TBC1D32: variants seen among roughly 807,000 people sequenced by gnomAD.
The protein encoded by TBC1D32 is protein broad-minded.
Under a neutral mutation model 170.3 loss-of-function variants are expected in TBC1D32, and 151 were observed. The ratio of observed to expected loss-of-function variants is 0.89; its 90% CI spans 0.78 to 1.01. The LOEUF is 1.01. Ranked by LOEUF, TBC1D32 falls within the 50% of genes least tolerant of loss-of-function variation. TBC1D32 has a pLI of 0.00. For missense variants in TBC1D32, 1,464 were observed against 1,457.1 expected (o/e 1.00, Z -0.08); for synonymous variants, 498 against 488.0 (o/e 1.02, Z -0.27).
intron 9 of TBC1D32, among the ~76,000 whole-genome samples, chr6:121,300,400 T>C (rs151096811): frequency 1.3e-3 from 196 of 152,006 alleles, no homozygotes; most frequent in African/African-American, 4.5e-3. Context: ...TGAACCGAGA[T>C]TGCGCCACTG....
At chr6:121,104,078 A>G (rs1388787219) in intron 30 of TBC1D32, among the ~76,000 whole-genome samples, 1 of 151,900 alleles carries the variant, frequency 6.6e-6, no homozygotes. Flanking sequence ...TAAAATAGGA[A>G]GAATAATCTC....
intron 3 of TBC1D32, among the ~76,000 whole-genome samples, chr6:121,314,387 G>A (rs925287517): frequency 2.6e-5 from 4 of 152,182 alleles, no homozygotes; most frequent in African/African-American, 7.2e-5. Context: ...CATGTGACAT[G>A]TTCACAAGTT....
chr6:121,133,277 T>C (rs1562593387), intron 24 of TBC1D32, among the ~76,000 whole-genome samples: 1 of 151,988 alleles, frequency 6.6e-6, no homozygotes, highest in Non-Finnish European at 1.5e-5. Flanking sequence ...TGTTCCAGGT[T>C]TTAAAAATCA....
At position 121,080,588 on chromosome 6, in the gene TBC1D32, A is replaced by C; in HGVS notation, c.*183T>G. ...TTCTATAATAACCTTACAAAACAAC[A>C]AATTTACAAAAATGAATTCACAAAT... On this transcript the variant is annotated 3_prime_UTR_variant, in exon 32 of 32. Coordinates refer to ENST00000398212, the MANE Select transcript of TBC1D32 (RefSeq NM_152730.6). 2.8e-6 allele frequency: 2 copies of C among 726,778 alleles called. No individual in the cohort carries two copies. Among genetic ancestry groups the C allele is most frequent in the Non-Finnish European group, 4.1e-6 (2 of 484,732 alleles). The allele number at this position is 726,778 out of a possible 1,614,324, so 45.0% of individuals were successfully genotyped here.
chr6:121,094,615 T>C (rs1461979209), intron 30 of TBC1D32, among the ~76,000 whole-genome samples: 3 of 152,178 alleles, frequency 2.0e-5, no homozygotes, highest in Admixed American at 6.5e-5. Context: ...TAAAGGAAGA[T>C]AGAATAGTAC....
intron 30 of TBC1D32, among the ~76,000 whole-genome samples, chr6:121,103,505 G>T (rs537161924): frequency 3.9e-4 from 57 of 147,012 alleles, no homozygotes; most frequent in South Asian, 1.1e-3. Flanking sequence ...AACACTGCAT[G>T]TTCTCACTCA....
chr6:121,171,380 A>G (rs1786976816), intron 22 of TBC1D32, among the ~76,000 whole-genome samples: 1 of 151,902 alleles, frequency 6.6e-6, no homozygotes, highest in Admixed American at 6.6e-5. Context: ...GATTCAAGCA[A>G]ACTTTAAAAG....
chr6:121,290,535 C>T (rs558384523), intron 12 of TBC1D32, among the ~76,000 whole-genome samples: 1 of 152,196 alleles, frequency 6.6e-6, no homozygotes, highest in Non-Finnish European at 1.5e-5. Flanking sequence ...AATAGGAACA[C>T]TTTTACACTG....
intron 21 of TBC1D32, among the ~76,000 whole-genome samples, chr6:121,217,532 C>G (rs1368655257): frequency 6.6e-6 from 1 of 152,176 alleles, no homozygotes; most frequent in Non-Finnish European, 1.5e-5. Flanking sequence ...TGGAGACAAT[C>G]TAATACACAA....
chr6:121,193,867 A>G (rs1447335319), intron 22 of TBC1D32, among the ~76,000 whole-genome samples: 1 of 152,150 alleles, frequency 6.6e-6, no homozygotes, highest in Non-Finnish European at 1.5e-5. Context: ...CAGTTTACAG[A>G]CCCAGAACCC....
chr6:121,244,578 T>C (rs1245451273), intron 17 of TBC1D32, among the ~76,000 whole-genome samples: 1 of 152,178 alleles, frequency 6.6e-6, no homozygotes, highest in Admixed American at 6.5e-5. Context: ...TGAAATCCTC[T>C]ACTATGATTT....
intron 24 of TBC1D32, among the ~76,000 whole-genome samples, chr6:121,152,038 G>A (rs1582987428): frequency 1.3e-5 from 2 of 152,242 alleles, no homozygotes; most frequent in African/African-American, 4.8e-5. Flanking sequence ...ATTTGTTTCT[G>A]TCATTATGAT....
chr6:121,239,502 T>C (rs1796690397), intron 19 of TBC1D32, among the ~76,000 whole-genome samples: 1 of 152,078 alleles, frequency 6.6e-6, no homozygotes, highest in African/African-American at 2.4e-5. Context: ...TTCTGAAACA[T>C]AATAAAGTTT....
intron 22 of TBC1D32, among the ~76,000 whole-genome samples, chr6:121,183,684 T>C (rs918864483): frequency 4.6e-5 from 7 of 152,096 alleles, no homozygotes; most frequent in African/African-American, 1.7e-4. Context: ...GAATTAAACC[T>C]TCTGTGAAGA....
chr6:121,173,482 A>C (rs1306534957), intron 22 of TBC1D32, among the ~76,000 whole-genome samples: 1 of 152,118 alleles, frequency 6.6e-6, no homozygotes, highest in Non-Finnish European at 1.5e-5. Context: ...AAGAAGAAAA[A>C]CAAAATAAAA....
At chr6:121,153,851 T>C (rs543122607) in intron 24 of TBC1D32, among the ~76,000 whole-genome samples, 1 of 152,164 alleles carries the variant, frequency 6.6e-6, no homozygotes, top group African/African-American at 2.4e-5. Context: ...ACCACCAAGC[T>C]TGCGTATACC....
At chr6:121,245,518 C>T (rs1797481590) in intron 17 of TBC1D32, among the ~76,000 whole-genome samples, 1 of 152,168 alleles carries the variant, frequency 6.6e-6, no homozygotes, top group Non-Finnish European at 1.5e-5. Context: ...AACATAATTG[C>T]AGTGCTGGGC....
At chr6:121,182,491 G>T (rs1393570189) in intron 22 of TBC1D32, among the ~76,000 whole-genome samples, 1 of 151,856 alleles carries the variant, frequency 6.6e-6, no homozygotes, top group African/African-American at 2.4e-5. Context: ...AATGCCATTT[G>T]GTACTCAATT....
chr6:121,089,869 G>A (rs1429565947), intron 31 of TBC1D32, among the ~76,000 whole-genome samples: 3 of 151,740 alleles, frequency 2.0e-5, no homozygotes, highest in East Asian at 1.9e-4. Context: ...TAGTGTATAC[G>A]TGTATATGTG....
Sources: gnomAD v4.1 joint callset for allele counts (sites outside exome capture counted in the v4.1 genomes callset) on GRCh38, gnomAD v4.1.1 for gene constraint, MANE v1.5 for transcripts, NCBI Gene and HGNC (gene_info 2026-07-23, HGNC 2026-07-21) for gene names.